The following TCF12 variants were observed in gnomAD, a reference collection of about 807,000 sequenced individuals.
The protein encoded by TCF12 is DNA-binding protein HTF4.
In TCF12, 45 loss-of-function variants were observed where a neutral mutation model predicts 86.0. The observed-to-expected ratio is 0.52, with a 90% CI of 0.41 to 0.67. TCF12 has a LOEUF of 0.67. Among genes scored for constraint, TCF12 ranks in the 30% least tolerant of loss-of-function variants. TCF12 has a pLI of 0.00. For missense variants in TCF12, 881 were observed against 859.9 expected, an observed-to-expected ratio of 1.02 and a Z score of -0.31; for synonymous variants, 330 against 299.6, an observed-to-expected ratio of 1.10 and a Z score of -1.05.
chr15:57,077,364 T>C (rs1232170696), intron 4 of TCF12, among the ~76,000 whole-genome samples: 3 of 87,128 alleles, frequency 3.4e-5, no homozygotes, highest in Non-Finnish European at 6.5e-5. Flanking sequence ...TGTGTGTGTG[T>C]GTGTGTGTGT....
intron 8 of TCF12, among the ~76,000 whole-genome samples, chr15:57,223,124 A>G (rs1024761354): frequency 2.6e-5 from 4 of 152,004 alleles, no homozygotes; most frequent in African/African-American, 4.8e-5. Context: ...TAATTTTCAC[A>G]ACCACTGTCA....
At position 56,977,348 on chromosome 15, in the gene TCF12, C is replaced by T. The variant is rs929693306; in HGVS notation, c.148+56250C>T. Among the ~76,000 whole-genome samples, 6 of 151,930 alleles carry T rather than the reference C, an allele frequency of 3.9e-5. No homozygotes were observed. In the East Asian group the frequency reaches 5.8e-4, roughly 15 times the overall value. The stretch of plus-strand genomic sequence containing the variant: ...AGGAGTTCGAGACCAGCCTTGGCAA[C>T]GTGGCAGAATCCCGTCTCTACTAAA... On this transcript the variant is annotated intron_variant, in intron 3 of 20. Transcript: ENST00000333725.
intron 3 of TCF12, among the ~76,000 whole-genome samples, chr15:56,971,431 GAAA>G (rs199556686): frequency 6.7e-6 from 1 of 149,250 alleles, no homozygotes; most frequent in African/African-American, 2.5e-5. Context: ...TCTCAAAAAA[GAAA>G]AAAAAAGAAG....
At chr15:56,918,374 CCCAGGAGGCCCGGACGAGG>C, upstream of TCF12, 1 of 379,678 alleles carries the variant, frequency 2.6e-6, no homozygotes, top group Non-Finnish European at 5.3e-6. Context: ...CCACCCCGCT[CCCAGGAGGCCCGGACGAGG>C]CTTCGTCGGC....
intron 8 of TCF12, among the ~76,000 whole-genome samples, chr15:57,227,406 C>T (rs1325588995): frequency 6.6e-6 from 1 of 152,064 alleles, no homozygotes; most frequent in Non-Finnish European, 1.5e-5. Flanking sequence ...TAAACTGAAT[C>T]ATCTGAGCAG....
chr15:57,255,450 G>T (rs1326842344), intron 16 of TCF12, among the ~76,000 whole-genome samples: 1 of 152,040 alleles, frequency 6.6e-6, no homozygotes, highest in Non-Finnish European at 1.5e-5. Flanking sequence ...AACAACAGAA[G>T]GTCTGCCAGA....
At chr15:57,271,223 G>A (rs8037049) in intron 18 of TCF12, among the ~76,000 whole-genome samples, 2,040 of 152,276 alleles carry the variant, frequency 0.013, 52 homozygotes, top group African/African-American at 0.042. Flanking sequence ...GGTGGGCTCC[G>A]CCCAGTTCGA....
intron 8 of TCF12, among the ~76,000 whole-genome samples, chr15:57,204,650 A>G (rs2057721487): frequency 6.6e-6 from 1 of 152,202 alleles, no homozygotes; most frequent in African/African-American, 2.4e-5. Flanking sequence ...CCCAAACCAT[A>G]AAGACTGCTA....
At chr15:57,274,739 A>G (rs527583977) in intron 19 of TCF12, among the ~76,000 whole-genome samples, 1 of 152,310 alleles carries the variant, frequency 6.6e-6, no homozygotes, top group Admixed American at 6.5e-5. Context: ...TGTTAAAGCC[A>G]CTGCCTCCAT....
chr15:56,933,407 C>G (rs539121731), intron 3 of TCF12, among the ~76,000 whole-genome samples: 1 of 152,188 alleles, frequency 6.6e-6, no homozygotes, highest in South Asian at 2.1e-4. Flanking sequence ...GAGCGAGTAC[C>G]TACTAATGCT....
intron 19 of TCF12, among the ~76,000 whole-genome samples, chr15:57,274,391 G>A (rs1364076535): frequency 6.6e-6 from 1 of 152,192 alleles, no homozygotes; most frequent in East Asian, 1.9e-4. Flanking sequence ...TCAACCTAAT[G>A]TTAAAAATGG....
At chr15:57,042,602 C>T (rs531246490) in intron 3 of TCF12, among the ~76,000 whole-genome samples, 2 of 151,916 alleles carry the variant, frequency 1.3e-5, no homozygotes, top group Non-Finnish European at 2.9e-5. Context: ...TTTGTGGAGA[C>T]GGGATCGCAC....
At position 57,193,334 on chromosome 15, in the gene TCF12, C is replaced by T. The variant is rs537961463; in HGVS notation, c.526+1041C>T. Among the ~76,000 whole-genome samples, 12 of 152,258 alleles carry T rather than the reference C, an allele frequency of 7.9e-5. No homozygotes were observed. In the South Asian group the frequency reaches 8.3e-4, roughly 11 times the overall value. ...ATATACTACATTCACTACATTGTGC[C>T]GCTGTCACCCCTATCTAGTTCTGAA... On this transcript the variant is annotated intron_variant, in intron 7 of 20. Transcript: ENST00000333725.
intron 3 of TCF12, among the ~76,000 whole-genome samples, chr15:57,056,119 GT>G (rs1567332403): frequency 1.0e-4 from 6 of 57,576 alleles, no homozygotes; most frequent in Non-Finnish European, 1.4e-4. Context: ...TTTTAGGGGT[GT>G]GTGTGTGTGT....
At chr15:57,004,482 C>T (rs2141084657) in intron 3 of TCF12, among the ~76,000 whole-genome samples, 1 of 152,236 alleles carries the variant, frequency 6.6e-6, no homozygotes, top group African/African-American at 2.4e-5. Context: ...GATCTCAACT[C>T]ACTGCAAGCT....
At chr15:57,000,614 G>T (rs1423999873) in intron 3 of TCF12, among the ~76,000 whole-genome samples, 1 of 151,950 alleles carries the variant, frequency 6.6e-6, no homozygotes, top group Non-Finnish European at 1.5e-5. Context: ...ATAAGCAAAA[G>T]AAAACATGAT....
intron 13 of TCF12, among the ~76,000 whole-genome samples, chr15:57,244,357 C>T (rs1395240175): frequency 6.8e-6 from 1 of 146,364 alleles, no homozygotes; most frequent in Non-Finnish European, 1.5e-5. Flanking sequence ...AAGTTATTTC[C>T]CATAGATAAA....
At chr15:57,044,846 G>A (rs552123270) in intron 3 of TCF12, among the ~76,000 whole-genome samples, 146 of 152,192 alleles carry the variant, frequency 9.6e-4, no homozygotes, top group African/African-American at 3.3e-3. Context: ...AGTGGAATGG[G>A]ACATTTTGGG....
intron 8 of TCF12, among the ~76,000 whole-genome samples, chr15:57,206,422 A>C (rs2057812813): frequency 6.6e-6 from 1 of 152,000 alleles, no homozygotes; most frequent in South Asian, 2.1e-4. Context: ...AAAATAAATA[A>C]AGCTTTATTT....
Sources: gnomAD v4.1 joint callset for allele counts (sites outside exome capture counted in the v4.1 genomes callset) on GRCh38, gnomAD v4.1.1 for gene constraint, MANE v1.5 for transcripts, NCBI Gene and HGNC (gene_info 2026-07-23, HGNC 2026-07-21) for gene names.